Variants in GRID1 observed in about 807,000 individuals in gnomAD.
GRID1 encodes glutamate receptor ionotropic, delta-1.
GRID1 carries 28 observed loss-of-function variants against 98.0 expected under a neutral mutation model. That is an observed-to-expected ratio of 0.29 (90% CI 0.21 to 0.39). The LOEUF is 0.39. GRID1 is among the 10% of genes least tolerant of loss of function. The pLI is 1.00. For synonymous variants in GRID1, 553 were observed against 538.5 expected, an observed-to-expected ratio of 1.03 and a Z score of -0.37; for missense variants, 1,111 against 1,340.5, an observed-to-expected ratio of 0.83 and a Z score of 2.67.
In GRID1 at chr10:85,774,547, CAT is replaced by C. The variant is rs1842309445; in HGVS notation, c.1234-44935_1234-44934del. ...ATCAGAGTGAACAGGCAACCTACAACATGGGAGAAAATTTTCGCAACCTACTC... is the reference window on the plus strand; with the variant it reads ...ATCAGAGTGAACAGGCAACCTACAACGGGAGAAAATTTTCGCAACCTACTC... On this transcript the variant is annotated intron_variant, in intron 8 of 15. Coordinates refer to ENST00000327946, the MANE Select transcript of GRID1 (RefSeq NM_017551.3). 4.6e-5 allele frequency among the ~76,000 whole-genome samples: 7 copies of C among 151,450 alleles called. No homozygotes were observed. The South Asian group carries it at 1.5e-3, about 32-fold the overall frequency.
intron 2 of GRID1, among the ~76,000 whole-genome samples, chr10:86,269,832 C>T (rs947946762): frequency 6.6e-6 from 1 of 152,160 alleles, no homozygotes; most frequent in African/African-American, 2.4e-5. Context: ...TGACCATCGC[C>T]TAGGTGTACT....
intron 3 of GRID1, among the ~76,000 whole-genome samples, chr10:86,166,197 T>C (rs1845396096): frequency 6.6e-6 from 1 of 152,212 alleles, no homozygotes; most frequent in South Asian, 2.1e-4. Context: ...ATGTGCTATG[T>C]TGGTGTGCTG....
At position 86,195,427 on chromosome 10, in the gene GRID1, G is replaced by C. The variant is rs564005579; in HGVS notation, c.520+10937C>G. 6.6e-6 allele frequency among the ~76,000 whole-genome samples: 1 copy of C among 152,200 alleles called. No homozygotes were observed. Among genetic ancestry groups the C allele is most frequent in the South Asian group, 2.1e-4 (1 of 4,826 alleles). On this transcript the variant is annotated intron_variant, in intron 3 of 15. Coordinates refer to ENST00000327946, the MANE Select transcript of GRID1 (RefSeq NM_017551.3). The surrounding 1 kb of genome is among the most constrained non-coding windows in gnomAD (Gnocchi z 4.4). ...ACCACAGCCGTCCTTGGCACCTCTT[G>C]ATTTTCTAATGCAGTTGCTTTCTTA...
intron 15 of GRID1, among the ~76,000 whole-genome samples, chr10:85,611,494 C>T (rs73338981): frequency 1.3e-5 from 2 of 152,168 alleles, no homozygotes; most frequent in South Asian, 4.1e-4. Flanking sequence ...TCCCCTGCTC[C>T]GCTGACACAA....
chr10:86,345,187 C>G lies in GRID1; in HGVS notation c.235+18754G>C, dbSNP rs76141737. Among the ~76,000 whole-genome samples the G allele has an allele frequency of 3.6e-3, 547 of 152,338 alleles. 2 individuals carry two copies. The highest frequency in any genetic ancestry group is 0.012 in the African/African-American group (514 of 41,576). On this transcript the variant is annotated intron_variant, in intron 2 of 15. Coordinates refer to ENST00000327946, the MANE Select transcript of GRID1 (RefSeq NM_017551.3). ...ACATGAGACATCTTCATCTTCATGT[C>G]TGCATGGAGGGGCCTCGAGCTGCCA...
intron 5 of GRID1, among the ~76,000 whole-genome samples, chr10:85,889,952 A>G (rs1373193760): frequency 6.6e-6 from 1 of 152,122 alleles, no homozygotes; most frequent in African/African-American, 2.4e-5. Flanking sequence ...GGGGTATATA[A>G]TGATGCTTCA....
chr10:85,692,677 A>AG (rs200053807), intron 12 of GRID1, among the ~76,000 whole-genome samples: 7,171 of 150,046 alleles, frequency 0.048, 295 homozygotes, highest in African/African-American at 0.11. Flanking sequence ...AAAAAAAAAA[A>AG]AAGAAGAAGA....
intron 15 of GRID1, among the ~76,000 whole-genome samples, chr10:85,611,938 C>T (rs1842736475): frequency 6.6e-6 from 1 of 152,202 alleles, no homozygotes; most frequent in Admixed American, 6.5e-5. Flanking sequence ...TCTTCCTTCC[C>T]TTCTGAGCTC....
chr10:85,693,397 T>C (rs1841355068), intron 12 of GRID1, among the ~76,000 whole-genome samples: 1 of 152,140 alleles, frequency 6.6e-6, no homozygotes, highest in Non-Finnish European at 1.5e-5. Flanking sequence ...TATATGTCAT[T>C]ATATATTTAT....
At position 86,275,236 on chromosome 10, in the gene GRID1, G is replaced by T. The variant is rs940845651; in HGVS notation, c.236-68588C>A. Reference sequence around the variant, plus strand: ...GACAATGAATACAATCTTTGAGAAAGTTACTAAACAAAGAAGTATACACCC... The same window carrying T: ...GACAATGAATACAATCTTTGAGAAATTTACTAAACAAAGAAGTATACACCC... On this transcript the variant is annotated intron_variant, in intron 2 of 15. Coordinates refer to ENST00000327946, the MANE Select transcript of GRID1 (RefSeq NM_017551.3). Among the ~76,000 whole-genome samples the T allele has an allele frequency of 7.2e-5, 11 of 152,000 alleles. 1 individual carries two copies. Among genetic ancestry groups the T allele is most frequent in the Non-Finnish European group, 1.5e-4 (10 of 68,010 alleles).
At chr10:86,313,790 C>T (rs1212678494) in intron 2 of GRID1, among the ~76,000 whole-genome samples, 1 of 152,226 alleles carries the variant, frequency 6.6e-6, no homozygotes, top group Non-Finnish European at 1.5e-5. Context: ...ACTCTTCCCA[C>T]ACATCCCCAG....
At chr10:85,619,409 C>G (rs1034082163) in intron 14 of GRID1, among the ~76,000 whole-genome samples, 20 of 152,240 alleles carry the variant, frequency 1.3e-4, no homozygotes, top group African/African-American at 4.6e-4. Context: ...TGCCACATTA[C>G]AGGTACATTT....
chr10:86,185,817 A>G (rs190864211), intron 3 of GRID1, among the ~76,000 whole-genome samples: 19 of 152,298 alleles, frequency 1.2e-4, no homozygotes, highest in African/African-American at 7.2e-5. Flanking sequence ...CTTGCTCACA[A>G]TGAAGTATTC....
At chr10:85,755,379 C>A (rs1231332300) in intron 8 of GRID1, among the ~76,000 whole-genome samples, 1 of 152,174 alleles carries the variant, frequency 6.6e-6, no homozygotes, top group Admixed American at 6.5e-5. Context: ...TTTCTCTCCA[C>A]GTGGTTTCCG....
At chr10:86,062,659 G>T (rs960649971) in intron 4 of GRID1, among the ~76,000 whole-genome samples, 8 of 152,178 alleles carry the variant, frequency 5.3e-5, no homozygotes. Flanking sequence ...AGCTCCCAGA[G>T]CCATCGCCAC....
chr10:86,184,423 T>C (rs1845699106), intron 3 of GRID1, among the ~76,000 whole-genome samples: 1 of 151,780 alleles, frequency 6.6e-6, no homozygotes, highest in African/African-American at 2.4e-5. Flanking sequence ...GACTTATTTT[T>C]ACATACAGGC....
chr10:85,702,681 G>A (rs1053817598), intron 12 of GRID1, among the ~76,000 whole-genome samples: 49 of 151,762 alleles, frequency 3.2e-4, no homozygotes, highest in South Asian at 4.2e-4. Flanking sequence ...CAAGAGAGGA[G>A]AAAAAAGTGG....
chr10:85,894,839 C>T lies in GRID1; in HGVS notation c.780+21347G>A, dbSNP rs567751986. Among the ~76,000 whole-genome samples the T allele has an allele frequency of 1.6e-4, 24 of 151,560 alleles. No individual in the cohort carries two copies. In the South Asian group the frequency reaches 2.7e-3, roughly 17 times the overall value. On this transcript the variant is annotated intron_variant, in intron 5 of 15. Coordinates refer to ENST00000327946, the MANE Select transcript of GRID1 (RefSeq NM_017551.3). ...CCTTGCCAGCATGGTGAAACCCCGT[C>T]TCTACTAAAAATACAAAAATTAGCC...
intron 6 of GRID1, among the ~76,000 whole-genome samples, chr10:85,866,308 A>AC: frequency 6.6e-6 from 1 of 150,964 alleles, no homozygotes; most frequent in Non-Finnish European, 1.5e-5. Flanking sequence ...CACACCAAAA[A>AC]AAAAAAAAAA....
Sources: gnomAD v4.1 joint callset for allele counts (sites outside exome capture counted in the v4.1 genomes callset) on GRCh38, gnomAD v4.1.1 for gene constraint, Gnocchi (gnomAD v3.1) non-coding constraint, MANE v1.5 for transcripts, NCBI Gene and HGNC (gene_info 2026-07-23, HGNC 2026-07-21) for gene names.